The following DCP2 variants were observed in gnomAD, a reference collection of about 807,000 sequenced individuals.
DCP2 encodes m7GpppN-mRNA hydrolase.
DCP2 carries 30 observed loss-of-function variants against 56.1 expected under a neutral mutation model. The observed-to-expected ratio is 0.53, with a 90% CI of 0.40 to 0.73. The LOEUF is 0.73. Among genes scored for constraint, DCP2 ranks in the 30% least tolerant of loss-of-function variants. The pLI is 0.00. For missense variants in DCP2, 533 were observed against 502.7 expected (o/e 1.06, Z -0.58); for synonymous variants, 197 against 163.3 (o/e 1.21, Z -1.57).
At chr5:112,989,797 G>C (rs752583744) in intron 2 of DCP2, among the ~76,000 whole-genome samples, 5 of 152,176 alleles carry the variant, frequency 3.3e-5, no homozygotes, top group Non-Finnish European at 7.3e-5. Context: ...TGAACTGGGG[G>C]AAGGCAAGAT....
intron 4 of DCP2, among the ~76,000 whole-genome samples, chr5:113,000,854 T>C (rs912242023): frequency 1.3e-5 from 2 of 152,226 alleles, no homozygotes; most frequent in African/African-American, 2.4e-5. Context: ...AGGTCTACAG[T>C]GGACTGGTTC....
At chr5:113,005,715 C>G (rs1399349034) in intron 8 of DCP2, among the ~76,000 whole-genome samples, 2 of 152,152 alleles carry the variant, frequency 1.3e-5, no homozygotes, top group East Asian at 3.8e-4. Context: ...ATGTTCATAG[C>G]AGCATTATTC....
chr5:113,009,870 T>G (rs1372830469), intron 9 of DCP2, among the ~76,000 whole-genome samples: 1 of 150,454 alleles, frequency 6.6e-6, no homozygotes, highest in Non-Finnish European at 1.5e-5. Flanking sequence ...TAGAAAAATA[T>G]AATACTAATT....
chr5:112,985,163 G>C (rs1254787435), intron 1 of DCP2, among the ~76,000 whole-genome samples: 1 of 152,008 alleles, frequency 6.6e-6, no homozygotes, highest in South Asian at 2.1e-4. Flanking sequence ...TTAGATTGAT[G>C]AATTTTAACT....
chr5:113,000,022 T>C (rs1056441548), intron 4 of DCP2, among the ~76,000 whole-genome samples: 3 of 138,960 alleles, frequency 2.2e-5, no homozygotes, highest in South Asian at 2.3e-4. Context: ...GAGCCCACCA[T>C]TGCACTCCAG....
chr5:113,008,808 T>TA (rs1337037993), intron 9 of DCP2, among the ~76,000 whole-genome samples: 3 of 152,000 alleles, frequency 2.0e-5, no homozygotes, highest in African/African-American at 7.2e-5. Flanking sequence ...AGGCTTTTAA[T>TA]AAAATTCAAC....
intron 1 of DCP2, among the ~76,000 whole-genome samples, chr5:112,981,401 A>G (rs1370964971): frequency 6.6e-6 from 1 of 152,026 alleles, no homozygotes; most frequent in African/African-American, 2.4e-5. Flanking sequence ...TTAGTGCCTC[A>G]TTTTTTCTTG....
At chr5:112,992,092 G>T in intron 2 of DCP2, 29 bp from the exon 3 acceptor site, 1 of 1,609,782 alleles carries the variant, frequency 6.2e-7, no homozygotes, top group Non-Finnish European at 8.5e-7. Context: ...TATTAAAGGA[G>T]AAAGTAACTT....
chr5:112,988,915 A>G (rs184843882), intron 2 of DCP2, among the ~76,000 whole-genome samples: 1 of 152,320 alleles, frequency 6.6e-6, no homozygotes, highest in East Asian at 1.9e-4. Context: ...GTGTTTGCAC[A>G]TGAGTTTTAC....
rs747424704 is a variant in DCP2, at chr5:112,992,202, G to A, written c.287G>A (p.Gly96Glu). The A allele has an allele frequency of 2.5e-6, 4 of 1,613,778 alleles. No individual in the cohort carries two copies. The highest frequency in any genetic ancestry group is 3.4e-6 in the Non-Finnish European group (4 of 1,179,968). ...GATGAATGGAAGGAATATAAAATGG[G>A]AGTACCAACATATGGTGCAATTATT... ...VLDEWKEYKM[G>E]VPTYGAIILD... The change falls in exon 3 of 11, where the codon GGA becomes GAA. Residue 96 changes from glycine (G) to glutamate (E), a missense_variant. Coordinates refer to ENST00000389063, the MANE Select transcript of DCP2 (RefSeq NM_152624.6).
At chr5:112,990,602 G>A (rs183363390) in intron 2 of DCP2, among the ~76,000 whole-genome samples, 183 of 151,736 alleles carry the variant, frequency 1.2e-3, no homozygotes, top group African/African-American at 4.3e-3. Context: ...TTAACTTTGC[G>A]CTTGTCTTAA....
At chr5:112,998,459 A>G (rs1217346593) in intron 4 of DCP2, among the ~76,000 whole-genome samples, 3 of 152,206 alleles carry the variant, frequency 2.0e-5, no homozygotes, top group African/African-American at 4.8e-5. Flanking sequence ...CTCCTACCTC[A>G]TAATACTTAT....
rs1748626014 is a variant in DCP2, at chr5:112,992,182, A to G, written c.267A>G (p.Glu89=). The G allele has an allele frequency of 1.9e-6, 3 of 1,613,934 alleles. No individual in the cohort carries two copies. The highest frequency in any genetic ancestry group is 3.3e-5 in the Admixed American group (2 of 59,984). The change falls in exon 3 of 11, where the codon GAA becomes GAG. Residue 89 remains glutamate (E), a synonymous_variant. Coordinates refer to ENST00000389063, the MANE Select transcript of DCP2 (RefSeq NM_152624.6). ...QGEDVEKVLD[E]WKEYKMGVPT... is the part of the protein sequence containing the mutation. ...AAGATGTGGAAAAAGTTTTGGATGA[A>G]TGGAAGGAATATAAAATGGGAGTAC...
Position 112,986,983 on chromosome 5 carries a change from G to A in DCP2, c.205+997G>A, listed in dbSNP as rs372970717. Among the ~76,000 whole-genome samples the A allele has an allele frequency of 2.3e-4, 35 of 152,278 alleles. 1 individual carries two copies. The highest frequency in any genetic ancestry group is 8.2e-4 in the African/African-American group (34 of 41,556). On this transcript the variant is annotated intron_variant, in intron 2 of 10. Transcript: ENST00000389063. The stretch of plus-strand genomic sequence containing the variant: ...GCACCACTGCACTCCAGCCTGGACG[G>A]CAGAGTGAGATTCCGTCTCAAAGAG...
At chr5:112,988,740 G>T (rs1440914691) in intron 2 of DCP2, among the ~76,000 whole-genome samples, 2 of 152,160 alleles carry the variant, frequency 1.3e-5, no homozygotes, top group Admixed American at 1.3e-4. Flanking sequence ...TTGGTGATAG[G>T]TTCTCTGGAG....
intron 4 of DCP2, among the ~76,000 whole-genome samples, chr5:112,994,482 C>T (rs955938262): frequency 6.6e-6 from 1 of 152,100 alleles, no homozygotes; most frequent in African/African-American, 2.4e-5. Context: ...TTCATTCTTA[C>T]TTAAAATTCT....
chr5:112,989,652 C>A (rs190068323), intron 2 of DCP2, among the ~76,000 whole-genome samples: 1 of 152,096 alleles, frequency 6.6e-6, no homozygotes, highest in African/African-American at 2.4e-5. Flanking sequence ...AAAAAACTTT[C>A]GGAGATGGCC....
Position 113,001,085 on chromosome 5 carries a change from T to C in DCP2, c.434T>C (p.Val145Ala). ...TTCATCCAAATTTGTTGTTTCCAGG[T>C]CTTTGAAGAAACTGGTTTTGATATC... ...EAPHDCAARE[V>A]FEETGFDIKD... Residue 145 changes from valine to alanine, a missense_variant and splice_region_variant, in exon 5 of 11, where the codon GTC (valine) becomes GCC (alanine). Physicochemically the swap from Val to Ala is moderately conservative, Grantham distance 64. Around this residue, in one of 3 missense-constraint regions of DCP2, gnomAD observed 392 missense variants for 346.6 expected, o/e 1.13. Coordinates refer to ENST00000389063, the MANE Select transcript of DCP2 (RefSeq NM_152624.6). 1.9e-6 allele frequency: 3 copies of C among 1,596,016 alleles called. No homozygotes were observed. Among genetic ancestry groups the C allele is most frequent in the Non-Finnish European group, 2.6e-6 (3 of 1,172,406 alleles).
chr5:112,987,950 G>C (rs1217157813), intron 2 of DCP2, among the ~76,000 whole-genome samples: 1 of 152,094 alleles, frequency 6.6e-6, no homozygotes, highest in Non-Finnish European at 1.5e-5. Context: ...ACCATGACGT[G>C]TATGTTTAAT....
Sources: gnomAD v4.1 joint callset for allele counts (sites outside exome capture counted in the v4.1 genomes callset) on GRCh38, gnomAD v4.1.1 for gene constraint, gnomAD v4.1.1 regional missense constraint, MANE v1.5 for transcripts, NCBI Gene and HGNC (gene_info 2026-07-23, HGNC 2026-07-21) for gene names.